RNF157: variants seen among roughly 807,000 people sequenced by gnomAD.
The protein encoded by RNF157 is ring finger protein 157, also known as E3 ubiquitin ligase RNF157.
In RNF157, 55 loss-of-function variants were observed where a neutral mutation model predicts 88.3. The observed-to-expected ratio is 0.62, with a 90% CI of 0.50 to 0.78. The LOEUF (loss-of-function observed/expected upper bound fraction) is 0.78. Ranked by LOEUF, RNF157 falls within the 30% of genes least tolerant of loss-of-function variation. The pLI is 0.00. For missense variants in RNF157, 788 were observed against 860.8 expected (o/e 0.92, Z 1.06); for synonymous variants, 334 against 341.2 (o/e 0.98, Z 0.23).
chr17:76,152,555 A>C, intron 17 of RNF157, 90 bp from the exon 18 acceptor site: 1 of 733,500 alleles, frequency 1.4e-6, no homozygotes, highest in Admixed American at 2.2e-5. Context: ...GGATGGAGAC[A>C]AAAAAAATCA....
chr17:76,161,426 T>C lies in RNF157; in HGVS notation c.1065+109A>G. Reference sequence around the variant, plus strand: ...AGCCGGCTTGCTAAATACTGCAGCATGCCCTGGTCTAATTCCTTGCTGCAA... The same window carrying C: ...AGCCGGCTTGCTAAATACTGCAGCACGCCCTGGTCTAATTCCTTGCTGCAA... On this transcript the variant is annotated intron_variant, in intron 11 of 18. Coordinates refer to ENST00000269391, the MANE Select transcript of RNF157 (RefSeq NM_052916.3). This position sits in a 1 kb window ranked among gnomAD's most constrained non-coding sequence, Gnocchi z 4.6. 1 of 842,494 alleles carries C rather than the reference T, an allele frequency of 1.2e-6. No homozygotes were observed. Among genetic ancestry groups the C allele is most frequent in the Non-Finnish European group, 2.0e-6 (1 of 497,366 alleles). 52.2% of individuals were successfully genotyped at this position (842,494 alleles called of 1,614,324 possible).
intron 1 of RNF157, among the ~76,000 whole-genome samples, chr17:76,224,626 A>C (rs1032516146): frequency 3.9e-5 from 6 of 152,090 alleles, no homozygotes; most frequent in Non-Finnish European, 5.9e-5. Flanking sequence ...AAGGGTGCCT[A>C]ATCTTTTGAC....
At chr17:76,164,708 GGAC>G (rs2068895889) in intron 8 of RNF157, 37 bp downstream of exon 8, 2 of 1,250,288 alleles carry the variant, frequency 1.6e-6, no homozygotes, top group Admixed American at 3.9e-5. Context: ...AAGGAAGGAA[GGAC>G]CCTAATACTA....
chr17:76,184,120 G>A (rs1050339732), intron 2 of RNF157, among the ~76,000 whole-genome samples: 1 of 151,538 alleles, frequency 6.6e-6, no homozygotes, highest in African/African-American at 2.4e-5. Flanking sequence ...GAACCTGGGA[G>A]GCAGAGGTTT....
intron 2 of RNF157, among the ~76,000 whole-genome samples, chr17:76,192,386 T>C (rs1394264687): frequency 6.6e-6 from 1 of 152,242 alleles, no homozygotes. Flanking sequence ...TAGCTATGTA[T>C]GTCCAAGTCT....
intron 2 of RNF157, among the ~76,000 whole-genome samples, chr17:76,209,921 A>G (rs8079508): frequency 1.3e-5 from 2 of 151,974 alleles, no homozygotes; most frequent in South Asian, 2.1e-4. Context: ...CACCACGCCC[A>G]GCTAATTTTT....
At chr17:76,154,393 G>A (rs1209194264) in intron 16 of RNF157, 65 bp from the exon 17 acceptor site, 11 of 1,037,708 alleles carry the variant, frequency 1.1e-5, no homozygotes, top group Non-Finnish European at 1.7e-5. Context: ...ATTGGCTGAA[G>A]ACAGAACTAA....
intron 1 of RNF157, among the ~76,000 whole-genome samples, chr17:76,227,704 C>T (rs1001204339): frequency 2.6e-5 from 4 of 151,708 alleles, no homozygotes; most frequent in Non-Finnish European, 4.4e-5. Context: ...ATGGAGAAAC[C>T]CTGTCTCTAC....
chr17:76,231,335 T>C (rs1598449284), intron 1 of RNF157, among the ~76,000 whole-genome samples: 1 of 152,304 alleles, frequency 6.6e-6, no homozygotes. Flanking sequence ...GTCTCTATAA[T>C]ATTGAGTTGT....
At chr17:76,159,726 C>CA (rs1476652639) in intron 11 of RNF157, among the ~76,000 whole-genome samples, 153 bp from the exon 12 acceptor site, 1 of 152,112 alleles carries the variant, frequency 6.6e-6, no homozygotes, top group Non-Finnish European at 1.5e-5. Context: ...GATAAAATAT[C>CA]AAAGAATCAC....
At chr17:76,177,962 G>A (rs1339660680) in intron 2 of RNF157, among the ~76,000 whole-genome samples, 2 of 152,180 alleles carry the variant, frequency 1.3e-5, no homozygotes, top group South Asian at 2.1e-4. Flanking sequence ...CCCTGGCTGC[G>A]GAAAGAGCTA....
At chr17:76,239,074 G>A (rs947752993) in intron 1 of RNF157, among the ~76,000 whole-genome samples, 2 of 152,180 alleles carry the variant, frequency 1.3e-5, no homozygotes, top group Admixed American at 1.3e-4. Context: ...AAAAAGAGAC[G>A]AGGCTCTGCT....
intron 2 of RNF157, among the ~76,000 whole-genome samples, chr17:76,205,725 A>C (rs535421724): frequency 5.6e-4 from 55 of 98,004 alleles, no homozygotes; most frequent in African/African-American, 3.6e-3. Flanking sequence ...CTCCATCTCT[A>C]AATAAATAAA....
chr17:76,155,670 G>C lies in RNF157; in HGVS notation c.1590C>G (p.Asp530Glu). ...AGGAGCCAGACATGGAGGAGACGGT[G>C]TCAGTGCTGATCTGGGAGGATGCCA... The part of the protein sequence containing the change: ...MSMASSQIST[D>E]TVSSMSGSYI... Residue 530 changes from aspartate to glutamate, a missense_variant, in exon 15 of 19, where the codon GAC (aspartate) becomes GAG (glutamate). By Grantham distance (45) the Asp-to-Glu change is conservative. Transcript: ENST00000269391. The C allele has an allele frequency of 6.2e-7, 1 of 1,613,400 alleles. No individual in the cohort carries two copies. Among genetic ancestry groups the C allele is most frequent in the Non-Finnish European group, 8.5e-7 (1 of 1,179,722 alleles).
intron 2 of RNF157, among the ~76,000 whole-genome samples, chr17:76,185,602 T>C (rs561734689): frequency 6.6e-6 from 1 of 151,718 alleles, no homozygotes; most frequent in Non-Finnish European, 1.5e-5. Context: ...CCCGAGTAGC[T>C]GGGACTACAG....
At chr17:76,198,664 T>C (rs1319621432) in intron 2 of RNF157, among the ~76,000 whole-genome samples, 1 of 152,202 alleles carries the variant, frequency 6.6e-6, no homozygotes, top group Non-Finnish European at 1.5e-5. Context: ...GGTTACCCTG[T>C]ATCCGTTCTC....
In RNF157 at chr17:76,195,522, G is replaced by A. The variant is rs1264710652; in HGVS notation, c.207+16842C>T. 2.0e-5 allele frequency among the ~76,000 whole-genome samples: 3 copies of A among 152,160 alleles called. No individual in the cohort carries two copies. The highest frequency in any genetic ancestry group is 7.2e-5 in the African/African-American group (3 of 41,432). On this transcript the variant is annotated intron_variant, in intron 2 of 18. Coordinates refer to ENST00000269391, the MANE Select transcript of RNF157 (RefSeq NM_052916.3). This position sits in a 1 kb window ranked among gnomAD's most constrained non-coding sequence, Gnocchi z 4.4. ...TGACTCAGCAATTCTCCTAGCTATA[G>A]CCTTAACAGGTATGCATACATATAC...
intron 1 of RNF157, among the ~76,000 whole-genome samples, chr17:76,221,948 T>C (rs754712037): frequency 4.6e-5 from 7 of 152,242 alleles, no homozygotes; most frequent in Non-Finnish European, 1.0e-4. Context: ...TGATTCCATG[T>C]ATATGAAATA....
chr17:76,147,001 T>C (rs1426229149), intron 18 of RNF157: 5 of 985,304 alleles, frequency 5.1e-6, no homozygotes, highest in Non-Finnish European at 4.8e-6. Context: ...TAACAGTCTC[T>C]GGTGCTTGAC....
Sources: allele counts gnomAD v4.1 joint callset (sites outside exome capture counted in the v4.1 genomes callset), GRCh38; gene constraint gnomAD v4.1.1; non-coding constraint Gnocchi (gnomAD v3.1); transcripts MANE v1.5; gene names NCBI Gene and HGNC (gene_info 2026-07-23, HGNC 2026-07-21).